The following OPCML variants were observed in gnomAD, a reference collection of about 807,000 sequenced individuals.
The protein encoded by OPCML is opioid-binding protein/cell adhesion molecule.
Under a neutral mutation model 37.8 loss-of-function variants are expected in OPCML, and 13 were observed. The ratio of observed to expected loss-of-function variants is 0.34; its 90% CI spans 0.22 to 0.55. The LOEUF is 0.55. OPCML is among the 20% of genes least tolerant of loss of function. The pLI is 0.91. For synonymous variants in OPCML, 176 were observed against 168.8 expected, an observed-to-expected ratio of 1.04 and a Z score of -0.33; for missense variants, 341 against 435.6, an observed-to-expected ratio of 0.78 and a Z score of 1.93.
intron 1 of OPCML, among the ~76,000 whole-genome samples, chr11:133,002,596 A>G (rs1326437928): frequency 4.6e-5 from 7 of 152,210 alleles, no homozygotes; most frequent in African/African-American, 9.7e-5. Context: ...GATGGATATA[A>G]AAGTTCTCAG....
At chr11:132,502,038 G>A (rs1294329921) in intron 4 of OPCML, among the ~76,000 whole-genome samples, 3 of 152,214 alleles carry the variant, frequency 2.0e-5, no homozygotes, top group Admixed American at 2.0e-4. Flanking sequence ...AAAGTGGATA[G>A]ATACTCAAGA....
intron 3 of OPCML, among the ~76,000 whole-genome samples, chr11:132,646,529 G>A (rs1280684030): frequency 1.3e-5 from 2 of 152,104 alleles, no homozygotes; most frequent in Non-Finnish European, 2.9e-5. Context: ...GGAGAGATGA[G>A]GATTAGGTAT....
chr11:132,912,915 C>T (rs967568127), intron 2 of OPCML, among the ~76,000 whole-genome samples: 18 of 152,176 alleles, frequency 1.2e-4, no homozygotes, highest in African/African-American at 4.3e-4. Context: ...AACTTTTCAC[C>T]ATATATCAAA....
intron 1 of OPCML, among the ~76,000 whole-genome samples, chr11:133,379,855 C>T (rs182628303): frequency 2.3e-4 from 35 of 152,286 alleles, no homozygotes; most frequent in African/African-American, 7.9e-4. Context: ...CTTTGTTTAA[C>T]CCAACACCTC....
chr11:132,559,566 T>TG (rs1377772782), intron 3 of OPCML, among the ~76,000 whole-genome samples: 1 of 152,094 alleles, frequency 6.6e-6, no homozygotes, highest in Non-Finnish European at 1.5e-5. Flanking sequence ...TTCTCTTCAA[T>TG]TTTTTCCACT....
chr11:133,367,176 A>C (rs1646332099), intron 1 of OPCML, among the ~76,000 whole-genome samples: 1 of 152,116 alleles, frequency 6.6e-6, no homozygotes, highest in Non-Finnish European at 1.5e-5. Context: ...AGAGGGTTTC[A>C]CCATGTTGGC....
At chr11:132,761,228 A>AT (rs1946249562) in intron 2 of OPCML, among the ~76,000 whole-genome samples, 1 of 126,964 alleles carries the variant, frequency 7.9e-6, no homozygotes, top group Non-Finnish European at 1.7e-5. Flanking sequence ...GCTGCGCTTA[A>AT]CTTTTTTTTT....
At chr11:133,049,702 G>T (rs192597830) in intron 1 of OPCML, among the ~76,000 whole-genome samples, 1 of 152,176 alleles carries the variant, frequency 6.6e-6, no homozygotes. Context: ...TTTGTAACCC[G>T]TCACCGTGCA....
At chr11:133,482,187 G>C (rs948479523) in intron 1 of OPCML, among the ~76,000 whole-genome samples, 18 of 152,112 alleles carry the variant, frequency 1.2e-4, no homozygotes, top group African/African-American at 4.3e-4. Context: ...CATCAATATA[G>C]ATCAATGGTG....
chr11:133,183,069 G>C (rs1352470453), intron 1 of OPCML, among the ~76,000 whole-genome samples: 1 of 152,102 alleles, frequency 6.6e-6, no homozygotes, highest in East Asian at 1.9e-4. Context: ...TTTAAAATAT[G>C]AATAAAATCT....
At chr11:133,261,576 C>T (rs761018671) in intron 1 of OPCML, among the ~76,000 whole-genome samples, 63 of 152,240 alleles carry the variant, frequency 4.1e-4, no homozygotes, top group Non-Finnish European at 6.6e-4. Context: ...CCTTTGGAAG[C>T]GCTTTCACCC....
chr11:133,237,731 G>A (rs1940575040), intron 1 of OPCML, among the ~76,000 whole-genome samples: 1 of 152,128 alleles, frequency 6.6e-6, no homozygotes, highest in Non-Finnish European at 1.5e-5. Flanking sequence ...CTGGTCCTGG[G>A]CACACATATA....
intron 1 of OPCML, among the ~76,000 whole-genome samples, chr11:133,413,012 C>T (rs1945681576): frequency 6.6e-6 from 1 of 152,090 alleles, no homozygotes; most frequent in South Asian, 2.1e-4. Context: ...TGAGAAGCAC[C>T]ATCACACAGG....
chr11:132,980,595 A>G (rs1315107844), intron 1 of OPCML, among the ~76,000 whole-genome samples: 1 of 152,198 alleles, frequency 6.6e-6, no homozygotes, highest in Non-Finnish European at 1.5e-5. Flanking sequence ...AAGTGCCTTT[A>G]GCAAATTTAA....
chr11:133,398,332 G>A lies in OPCML; in HGVS notation c.61+133932C>T, dbSNP rs1007168499. 6.6e-5 allele frequency among the ~76,000 whole-genome samples: 10 copies of A among 152,218 alleles called. No individual in the cohort carries two copies. In the South Asian group the frequency reaches 8.3e-4, roughly 13 times the overall value. ...ATCAGCTCCTTTGTTATGTCCCAGC[G>A]TAGCCATTTCCTGTCTGCTCAGGAC... On this transcript the variant is annotated intron_variant, in intron 1 of 7. Coordinates refer to ENST00000524381, the MANE Select transcript of OPCML (RefSeq NM_001012393.5).
chr11:132,640,927 C>T (rs1345359802), intron 3 of OPCML, among the ~76,000 whole-genome samples: 1 of 152,162 alleles, frequency 6.6e-6, no homozygotes, highest in Non-Finnish European at 1.5e-5. Flanking sequence ...CCTGGGAAGG[C>T]CCTGAGTAGG....
intron 1 of OPCML, among the ~76,000 whole-genome samples, chr11:132,995,286 G>C (rs1444514872): frequency 6.6e-6 from 1 of 152,148 alleles, no homozygotes; most frequent in African/African-American, 2.4e-5. Context: ...GAACTGTGCT[G>C]TGCTCGTTTA....
At chr11:133,459,279 G>A (rs1274413388) in intron 1 of OPCML, among the ~76,000 whole-genome samples, 3 of 151,864 alleles carry the variant, frequency 2.0e-5, no homozygotes, top group Non-Finnish European at 2.9e-5. Flanking sequence ...AAAAAATCAA[G>A]TAAACAAAAT....
intron 3 of OPCML, among the ~76,000 whole-genome samples, chr11:132,628,288 A>G (rs1939868678): frequency 6.6e-6 from 1 of 152,200 alleles, no homozygotes; most frequent in African/African-American, 2.4e-5. Flanking sequence ...AGGTTTGGAT[A>G]AAGAGGTTAG....
Sources: allele counts gnomAD v4.1 joint callset (sites outside exome capture counted in the v4.1 genomes callset), GRCh38; gene constraint gnomAD v4.1.1; transcripts MANE v1.5; gene names NCBI Gene and HGNC (gene_info 2026-07-23, HGNC 2026-07-21).